VPS37A: variants seen among roughly 807,000 people sequenced by gnomAD.
VPS37A encodes the protein vacuolar protein sorting-associated protein 37A.
In VPS37A, 30 loss-of-function variants were observed where a neutral mutation model predicts 49.8. The observed-to-expected ratio is 0.60, with a 90% CI of 0.45 to 0.82. The LOEUF is 0.82. VPS37A is among the 40% of genes least tolerant of loss of function. The pLI is 0.00. For missense variants in VPS37A, 593 were observed against 464.4 expected, an observed-to-expected ratio of 1.28 and a Z score of -2.55; for synonymous variants, 195 against 160.6, an observed-to-expected ratio of 1.21 and a Z score of -1.62.
the VPS37A span, among the ~76,000 whole-genome samples, chr8:17,324,973 T>G: frequency 5.9e-5 from 9 of 152,250 alleles, no homozygotes; most frequent in Non-Finnish European, 1.2e-4. Flanking sequence ...GCAGGTAATG[T>G]GATAAAAGAA....
chr8:17,265,671 T>C (rs1363858802), intron 1 of VPS37A: 24 of 1,114,954 alleles, frequency 2.2e-5, no homozygotes, highest in Non-Finnish European at 3.8e-6. Context: ...TTTTCTTGCC[T>C]CTTTACATCA....
chr8:17,321,639 A>G, the VPS37A span, among the ~76,000 whole-genome samples: 1 of 152,248 alleles, frequency 6.6e-6, no homozygotes, highest in Admixed American at 6.5e-5. Context: ...TAAACTCAGG[A>G]TAAGGCAGAA....
chr8:17,270,954 T>G (rs1813926398), intron 4 of VPS37A, among the ~76,000 whole-genome samples: 1 of 152,100 alleles, frequency 6.6e-6, no homozygotes, highest in African/African-American at 2.4e-5. Flanking sequence ...TAGCTGCCCC[T>G]CACACACCCA....
intron 1 of VPS37A, chr8:17,247,991 C>T (rs1188490997): frequency 3.6e-6 from 2 of 551,274 alleles, no homozygotes; most frequent in Admixed American, 3.3e-5. Flanking sequence ...TCAAGAATTA[C>T]TTTATGTTCA....
At chr8:17,280,180 A>G in intron 7 of VPS37A, 25 bp downstream of exon 7, 2 of 1,610,774 alleles carry the variant, frequency 1.2e-6, no homozygotes, top group East Asian at 2.2e-5. Flanking sequence ...TCCTGAGCGC[A>G]CATTTCCTGA....
intron 1 of VPS37A, among the ~76,000 whole-genome samples, chr8:17,260,924 TTGA>T (rs1812907068): frequency 6.6e-6 from 1 of 152,172 alleles, no homozygotes; most frequent in Non-Finnish European, 1.5e-5. Context: ...CTTTGAGAGT[TTGA>T]TGATTATATG....
At chr8:17,281,248 T>A (rs1195042914) in intron 9 of VPS37A, among the ~76,000 whole-genome samples, 1 of 152,070 alleles carries the variant, frequency 6.6e-6, no homozygotes, top group Admixed American at 6.6e-5. Context: ...TAGGTATTGT[T>A]ACTTTTTCCC....
At chr8:17,307,726 T>G in the VPS37A span, among the ~76,000 whole-genome samples, 10 of 152,230 alleles carry the variant, frequency 6.6e-5, no homozygotes, top group African/African-American at 1.2e-4. Flanking sequence ...ATGAGTTCAT[T>G]TCCTTTGTAG....
intron 1 of VPS37A, chr8:17,248,386 C>A (rs1037613417): frequency 1.8e-5 from 8 of 455,440 alleles, no homozygotes; most frequent in African/African-American, 1.6e-4. Context: ...TCCCTCAGCT[C>A]CCCACACCCC....
At chr8:17,247,642 ATCTC>A (rs1563226673) in intron 1 of VPS37A, 1 of 703,766 alleles carries the variant, frequency 1.4e-6, no homozygotes, top group South Asian at 1.5e-5. Flanking sequence ...TAATCTCTCA[ATCTC>A]TCTCATAGTC....
At chr8:17,282,745 G>GACACACAC (rs149421072) in intron 9 of VPS37A, among the ~76,000 whole-genome samples, 1 of 149,892 alleles carries the variant, frequency 6.7e-6, no homozygotes, top group Non-Finnish European at 1.5e-5. Context: ...TTAAAAAAAA[G>GACACACAC]ACACACACAC....
downstream of VPS37A, chr8:17,304,530 G>C (rs1239830092): frequency 6.2e-7 from 1 of 1,611,816 alleles, no homozygotes; most frequent in Non-Finnish European, 8.5e-7. Flanking sequence ...CTGTTATAAA[G>C]AAAATAAGTC....
downstream of VPS37A, among the ~76,000 whole-genome samples, chr8:17,306,480 C>T (rs752599076): frequency 3.9e-5 from 6 of 152,128 alleles, no homozygotes; most frequent in African/African-American, 7.2e-5. Context: ...TTCCATGTGA[C>T]GACAGATTCC....
chr8:17,276,053 G>A (rs1235000442), intron 5 of VPS37A, among the ~76,000 whole-genome samples: 1 of 152,058 alleles, frequency 6.6e-6, no homozygotes, highest in Non-Finnish European at 1.5e-5. Flanking sequence ...ATAAATTATT[G>A]CTTTTGTATA....
downstream of VPS37A, chr8:17,298,573 ATGTAAAT>A (rs569085644): frequency 5.5e-4 from 84 of 152,694 alleles, 1 homozygote; most frequent in African/African-American, 2.0e-3. Flanking sequence ...CAAAATATTG[ATGTAAAT>A]TGTAAAGTTT....
At chr8:17,294,962 G>T (rs1419526706) in intron 11 of VPS37A, 25 bp from the exon 12 acceptor site, 1 of 152,386 alleles carries the variant, frequency 6.6e-6, no homozygotes, top group Non-Finnish European at 1.5e-5. Flanking sequence ...AATATTAGAG[G>T]TATTTTTTAT....
the VPS37A span, chr8:17,313,163 C>G: frequency 5.0e-6 from 3 of 595,786 alleles, no homozygotes; most frequent in South Asian, 2.6e-5. Context: ...CTACGGAGCT[C>G]TACAAAGCTG....
chr8:17,283,769 G>A (rs987222048), intron 9 of VPS37A, among the ~76,000 whole-genome samples: 1 of 152,092 alleles, frequency 6.6e-6, no homozygotes, highest in African/African-American at 2.4e-5. Flanking sequence ...CTTGACATGA[G>A]GAAATATTAA....
the VPS37A span, among the ~76,000 whole-genome samples, chr8:17,319,847 G>A: frequency 6.6e-6 from 1 of 152,030 alleles, no homozygotes; most frequent in African/African-American, 2.4e-5. Context: ...ACCAATCTTG[G>A]TTCCCAAATA....
Sources: gnomAD v4.1 joint callset for allele counts (sites outside exome capture counted in the v4.1 genomes callset) on GRCh38, gnomAD v4.1.1 for gene constraint, MANE v1.5 for transcripts, NCBI Gene and HGNC (gene_info 2026-07-23, HGNC 2026-07-21) for gene names.